Variants in DOCK7 observed in about 807,000 individuals in gnomAD.
DOCK7 encodes dedicator of cytokinesis protein 7.
In DOCK7, 138 loss-of-function variants were observed where a neutral mutation model predicts 271.0. The observed-to-expected ratio is 0.51, with a 90% CI of 0.44 to 0.59. The LOEUF is 0.59. Ranked by LOEUF, DOCK7 falls within the 20% of genes least tolerant of loss-of-function variation. The pLI is 0.00. For synonymous variants in DOCK7, 823 were observed against 876.1 expected (o/e 0.94, Z 1.07); for missense variants, 2,066 against 2,592.4 (o/e 0.80, Z 4.41).
chr1:62,488,176 T>G (rs1646352048), intron 42 of DOCK7: 1 of 152,476 alleles, frequency 6.6e-6, no homozygotes, highest in South Asian at 2.1e-4. Flanking sequence ...TAGGTAACAG[T>G]AGGGTAGCAC....
chr1:62,617,444 G>A (rs1652583464), intron 14 of DOCK7, among the ~76,000 whole-genome samples: 1 of 151,988 alleles, frequency 6.6e-6, no homozygotes, highest in African/African-American at 2.4e-5. Context: ...TGAGACAGGA[G>A]TAGAAATAAG....
chr1:62,591,893 G>C (rs1221263218), intron 14 of DOCK7, among the ~76,000 whole-genome samples: 1 of 152,066 alleles, frequency 6.6e-6, no homozygotes, highest in African/African-American at 2.4e-5. Flanking sequence ...TGAGGGCAGG[G>C]ACCTTATCTA....
At chr1:62,497,614 GGCTTT>G (rs889833629) in intron 37 of DOCK7, among the ~76,000 whole-genome samples, 2 of 152,038 alleles carry the variant, frequency 1.3e-5, no homozygotes, top group Admixed American at 6.6e-5. Flanking sequence ...CATTCCAAAT[GGCTTT>G]GCTTTATTTT....
At chr1:62,630,746 G>A (rs1654519865) in intron 11 of DOCK7, among the ~76,000 whole-genome samples, 1 of 151,722 alleles carries the variant, frequency 6.6e-6, no homozygotes, top group South Asian at 2.1e-4. Flanking sequence ...CTCCTGTATT[G>A]TACAATTTAA....
chr1:62,456,786 A>G (rs370325996), intron 49 of DOCK7, among the ~76,000 whole-genome samples: 4 of 152,098 alleles, frequency 2.6e-5, no homozygotes, highest in African/African-American at 7.2e-5. Flanking sequence ...CCTGGTGGGT[A>G]TAAGACTGGG....
At chr1:62,597,855 A>T (rs1649509199) in intron 14 of DOCK7, 7 of 1,603,866 alleles carry the variant, frequency 4.4e-6, no homozygotes, top group African/African-American at 1.3e-5. Context: ...AGAAGAAGAA[A>T]AGGAACTGAG....
At position 62,685,694 on chromosome 1, in the gene DOCK7, T is replaced by G. The variant is rs868367316; in HGVS notation, c.38+2533A>C. Among the ~76,000 whole-genome samples the G allele has an allele frequency of 2.9e-4, 44 of 152,270 alleles. No homozygotes were observed. In the Middle Eastern group the frequency reaches 0.014, roughly 47 times the overall value. On this transcript the variant is annotated intron_variant, in intron 1 of 49. Transcript: ENST00000635253. Reference sequence around the variant, plus strand: ...CCCTCAAAATTAACATGTCCAAAACTGAATCATCATCTCCATCCCACTTGC... The same window carrying G: ...CCCTCAAAATTAACATGTCCAAAACGGAATCATCATCTCCATCCCACTTGC...
chr1:62,602,252 C>CTA, intron 14 of DOCK7: 1 of 1,529,676 alleles, frequency 6.5e-7, no homozygotes, highest in Non-Finnish European at 9.0e-7. Flanking sequence ...CATAAATCTA[C>CTA]TAAAAATACA....
In DOCK7 at chr1:62,618,713, T is replaced by C. The variant is rs1652761928; in HGVS notation, c.1675A>G (p.Thr559Ala). ...CAAATTAAAATCTCTTACCTGTAAG[T>C]AGTGTTTGGAACATAAACATCCCTT... ...PARDVYVPNT[T>A]YRNLLYIYPQ... The change falls in exon 14 of 50, where the codon ACT becomes GCT. Residue 559 changes from threonine to alanine, a missense_variant. Thr to Ala is a moderately conservative substitution (Grantham distance 58). This residue lies in a region of DOCK7 where 1,414 missense variants were observed against 1,670.4 expected (regional missense o/e 0.85). Transcript: ENST00000635253. The C allele has an allele frequency of 1.1e-5, 17 of 1,612,508 alleles. No homozygotes were observed. The East Asian group carries it at 3.6e-4, about 34-fold the overall frequency.
chr1:62,636,935 A>C (rs1011162293), intron 7 of DOCK7, among the ~76,000 whole-genome samples: 3 of 152,208 alleles, frequency 2.0e-5, no homozygotes, highest in Admixed American at 6.5e-5. Context: ...TTCATTTTTA[A>C]ATAAGTTTTA....
intron 44 of DOCK7, among the ~76,000 whole-genome samples, chr1:62,477,387 C>T (rs555994537): frequency 6.6e-6 from 1 of 152,082 alleles, no homozygotes. Flanking sequence ...CTACTTAATT[C>T]TTTGTCTTTT....
rs928774838 is a variant in DOCK7 at position 62,513,831 on chromosome 1, A to G, written c.4004T>C (p.Val1335Ala). ...SRSLLICLLWVLKNADETVLQ... is the reference protein window; with the variant it reads ...SRSLLICLLWALKNADETVLQ... ...AACTGTTTCATCTGCATTTTTGAGA[A>G]CCCAAAGTAGACAGATCAAAAGGCT... Residue 1335 changes from valine to alanine, a missense_variant, in exon 32 of 50, where the codon GTT becomes GCT. Coordinates refer to ENST00000635253, the MANE Select transcript of DOCK7 (RefSeq NM_001367561.1). 6.2e-7 allele frequency: 1 copy of G among 1,614,116 alleles called. No individual in the cohort carries two copies. The highest frequency in any genetic ancestry group is 2.2e-5 in the East Asian group (1 of 44,866).
At chr1:62,574,095 C>T (rs575920959) in intron 18 of DOCK7, among the ~76,000 whole-genome samples, 8 of 152,204 alleles carry the variant, frequency 5.3e-5, no homozygotes, top group Middle Eastern at 3.4e-3. Context: ...GAGTTCAACA[C>T]AGAAGGCATC....
chr1:62,565,297 T>C (rs1311414887), intron 18 of DOCK7, among the ~76,000 whole-genome samples: 2 of 152,152 alleles, frequency 1.3e-5, no homozygotes, highest in Non-Finnish European at 2.9e-5. Context: ...TCAACATCGA[T>C]GTGAAAATCC....
In DOCK7 at chr1:62,631,434, G is replaced by C. The variant is rs375136760; in HGVS notation, c.1117-29C>G. 3.9e-6 allele frequency: 6 copies of C among 1,525,582 alleles called. No homozygotes were observed. In the East Asian group the frequency reaches 1.4e-4, roughly 35 times the overall value. The allele number at this position is 1,525,582 out of a possible 1,614,324, so 94.5% of individuals were successfully genotyped here. A position where few individuals can be genotyped will look rare whatever the true frequency, so the allele number is the denominator to read the frequency against. The stretch of plus-strand genomic sequence containing the variant: ...CAAAACAGAACTTTATACATTATAT[G>C]ATTATACTTGAAAGAAATCAGTTAA... On this transcript the variant is annotated intron_variant, in intron 10 of 49. Transcript: ENST00000635253.
chr1:62,487,773 A>ACAC (rs1187717255), intron 42 of DOCK7: 1 of 186,434 alleles, frequency 5.4e-6, no homozygotes, highest in Non-Finnish European at 1.1e-5. Flanking sequence ...AATGCCAACG[A>ACAC]CACAAATGGC....
In DOCK7 at chr1:62,688,360, G is replaced by T; in HGVS notation, c.-96C>A. 1 of 812,410 alleles carries T rather than the reference G, an allele frequency of 1.2e-6. No homozygotes were observed. 50.3% of individuals were successfully genotyped at this position (812,410 alleles called of 1,614,324 possible). On this transcript the variant is annotated 5_prime_UTR_variant, in exon 1 of 50. Coordinates refer to ENST00000635253, the MANE Select transcript of DOCK7 (RefSeq NM_001367561.1). ...CCTCGCTCGTGCTCCCTCCCTCGCG[G>T]CCTCCGCCAGTCCGGGCTCCGGACC...
intron 37 of DOCK7, among the ~76,000 whole-genome samples, chr1:62,501,047 A>AG (rs369415496): frequency 4.0e-4 from 56 of 139,960 alleles, no homozygotes; most frequent in African/African-American, 1.2e-3. Flanking sequence ...TATTTTTAAA[A>AG]GGGGGGGTGA....
intron 1 of DOCK7, among the ~76,000 whole-genome samples, chr1:62,675,255 T>C (rs956331855): frequency 8.6e-5 from 13 of 151,824 alleles, no homozygotes; most frequent in Admixed American, 1.3e-4. Context: ...TACAAAAAAT[T>C]AGCCAGATGT....
Sources: allele counts gnomAD v4.1 joint callset (sites outside exome capture counted in the v4.1 genomes callset), GRCh38; gene constraint gnomAD v4.1.1; regional missense constraint gnomAD v4.1.1; transcripts MANE v1.5; gene names NCBI Gene and HGNC (gene_info 2026-07-23, HGNC 2026-07-21).